Variants in ASIC2 observed in about 807,000 individuals in gnomAD.
The protein encoded by ASIC2 is acid-sensing ion channel 2.
ASIC2 carries 25 observed loss-of-function variants against 57.3 expected under a neutral mutation model. That is an observed-to-expected ratio of 0.44 (90% confidence interval 0.32 to 0.61). The LOEUF is 0.61. Ranked by LOEUF, ASIC2 falls within the 20% of genes least tolerant of loss-of-function variation. The pLI, the probability that ASIC2 is intolerant of heterozygous loss-of-function variation, is 0.06. For missense variants in ASIC2, 641 were observed against 738.1 expected (o/e 0.87, Z 1.52); for synonymous variants, 319 against 307.5 (o/e 1.04, Z -0.39).
chr17:33,742,701 T>C (rs1403106051), intron 1 of ASIC2, among the ~76,000 whole-genome samples: 1 of 152,188 alleles, frequency 6.6e-6, no homozygotes, highest in Non-Finnish European at 1.5e-5. Flanking sequence ...GCCCAGAACA[T>C]AGCTCTCCCC....
intron 1 of ASIC2, among the ~76,000 whole-genome samples, chr17:34,058,589 T>C (rs1908855469): frequency 6.6e-6 from 1 of 152,236 alleles, no homozygotes; most frequent in African/African-American, 2.4e-5. Context: ...TGAAACGCTG[T>C]CCTTGAAACC....
At chr17:33,167,343 C>T (rs1208461933) in intron 1 of ASIC2, among the ~76,000 whole-genome samples, 4 of 152,286 alleles carry the variant, frequency 2.6e-5, no homozygotes, top group Non-Finnish European at 5.9e-5. Flanking sequence ...CAGTCACTTG[C>T]TAAGTCACAG....
chr17:33,108,409 C>A lies in ASIC2; in HGVS notation c.859+3508G>T, dbSNP rs187576573. On this transcript the variant is annotated intron_variant, in intron 2 of 9. Transcript: ENST00000225823. ...AGGAAGGGAGATGGCATCTGTGGGG[C>A]CGCATGGTTTGGCAGGGCAGGAAGG... Among the ~76,000 whole-genome samples, 432 of 152,268 alleles carry A rather than the reference C, an allele frequency of 2.8e-3. 2 individuals are homozygous for A. The highest frequency in any genetic ancestry group is 0.015 in the South Asian group (70 of 4,814).
chr17:33,625,125 C>CTCTGTCTG (rs35947234), intron 1 of ASIC2, among the ~76,000 whole-genome samples: 7,325 of 144,260 alleles, frequency 0.051, 196 homozygotes, highest in Non-Finnish European at 0.07. Flanking sequence ...AATGTGGCCT[C>CTCTGTCTG]TCTGTCTATC....
chr17:33,079,529 G>A (rs1432636575), intron 3 of ASIC2, among the ~76,000 whole-genome samples: 1 of 152,064 alleles, frequency 6.6e-6, no homozygotes, highest in African/African-American at 2.4e-5. Context: ...AGAGATTCTT[G>A]GACTTCATCC....
intron 1 of ASIC2, among the ~76,000 whole-genome samples, chr17:33,344,714 C>G (rs1047090575): frequency 2.0e-5 from 3 of 152,038 alleles, no homozygotes; most frequent in African/African-American, 7.3e-5. Context: ...CCCACTTAAC[C>G]CTGCTCACAC....
chr17:33,863,308 T>C (rs1379566994), intron 1 of ASIC2, among the ~76,000 whole-genome samples: 13 of 152,250 alleles, frequency 8.5e-5, no homozygotes, highest in Admixed American at 6.5e-5. Context: ...GCAGTTCACA[T>C]AGAACTCTGG....
chr17:33,711,992 G>A (rs1909050751), intron 1 of ASIC2, among the ~76,000 whole-genome samples: 1 of 152,108 alleles, frequency 6.6e-6, no homozygotes, highest in Admixed American at 6.5e-5. Context: ...CATAAATGAG[G>A]CCTCCTGACT....
In ASIC2 at chr17:33,381,343, G is replaced by A. The variant is rs56871473; in HGVS notation, c.556-269276C>T. ...TGGGCTGAGGCACCAAGAGCATGGG[G>A]GGAGGAACTTTCTTTGCTCAGGCGC... On this transcript the variant is annotated intron_variant, in intron 1 of 9. Transcript: ENST00000359872. 2.9e-3 allele frequency among the ~76,000 whole-genome samples: 445 copies of A among 152,358 alleles called. 4 individuals are homozygous for A. Among genetic ancestry groups the A allele is most frequent in the African/African-American group, 0.01 (416 of 41,586 alleles).
chr17:33,738,341 C>A (rs546825948), intron 1 of ASIC2, among the ~76,000 whole-genome samples: 1 of 152,192 alleles, frequency 6.6e-6, no homozygotes, highest in South Asian at 2.1e-4. Flanking sequence ...TGTCATCCTT[C>A]CCCCAGACCT....
chr17:33,531,706 G>C (rs1597769633), intron 1 of ASIC2, among the ~76,000 whole-genome samples: 2 of 152,202 alleles, frequency 1.3e-5, no homozygotes, highest in East Asian at 3.9e-4. Flanking sequence ...GCCAAGGAGA[G>C]AGGCCCTTCT....
intron 1 of ASIC2, among the ~76,000 whole-genome samples, chr17:34,084,504 A>T (rs1236265387): frequency 6.6e-6 from 1 of 152,232 alleles, no homozygotes; most frequent in Non-Finnish European, 1.5e-5. Context: ...CTTTTGGCTT[A>T]GGATTGACTT....
At chr17:33,854,209 G>A (rs1490228116) in intron 1 of ASIC2, among the ~76,000 whole-genome samples, 3 of 152,144 alleles carry the variant, frequency 2.0e-5, no homozygotes, top group African/African-American at 4.8e-5. Context: ...TTTGGAGGTA[G>A]AAGAGTGAGT....
chr17:33,908,356 G>A (rs190937256), intron 1 of ASIC2, among the ~76,000 whole-genome samples: 126 of 152,330 alleles, frequency 8.3e-4, no homozygotes, highest in African/African-American at 2.9e-3. Flanking sequence ...CAGGGGTCAA[G>A]GACACCATAT....
rs971262532 is a variant in ASIC2 at position 33,023,848 on chromosome 17, C to T, written c.1349+13G>A. On this transcript the variant is annotated intron_variant, in intron 6 of 9. Transcript: ENST00000225823. ...TCCCCCTTCCCCCTGCCTACCATGC[C>T]CACTAAACTTACGAGATATATTTTT... is the stretch of plus-strand genomic sequence containing the variant. 1.2e-6 allele frequency: 2 copies of T among 1,614,052 alleles called. No homozygotes were observed. The highest frequency in any genetic ancestry group is 2.2e-5 in the East Asian group (1 of 44,886).
intron 1 of ASIC2, among the ~76,000 whole-genome samples, chr17:33,119,959 C>T (rs1597587562): frequency 6.6e-6 from 1 of 152,140 alleles, no homozygotes; most frequent in African/African-American, 2.4e-5. Context: ...GGGCACTGTG[C>T]TGATTGCTTT....
chr17:33,984,860 C>A (rs765096826), intron 1 of ASIC2, among the ~76,000 whole-genome samples: 30 of 152,302 alleles, frequency 2.0e-4, no homozygotes, highest in Non-Finnish European at 3.1e-4. Context: ...AAACAGAAGG[C>A]ATGGATCACC....
At chr17:33,399,010 G>A (rs1364322644) in intron 1 of ASIC2, among the ~76,000 whole-genome samples, 2 of 152,192 alleles carry the variant, frequency 1.3e-5, no homozygotes, top group African/African-American at 4.8e-5. Flanking sequence ...TAGTGATGCT[G>A]CCATTTTGTG....
intron 1 of ASIC2, among the ~76,000 whole-genome samples, chr17:34,112,171 A>G (rs34906149): frequency 3.3e-5 from 5 of 152,160 alleles, no homozygotes; most frequent in Non-Finnish European, 7.4e-5. Context: ...TCTGAATGCT[A>G]TCTCTTCCAC....
Sources: gnomAD v4.1 joint callset for allele counts (sites outside exome capture counted in the v4.1 genomes callset) on GRCh38, gnomAD v4.1.1 for gene constraint, MANE v1.5 for transcripts, NCBI Gene and HGNC (gene_info 2026-07-23, HGNC 2026-07-21) for gene names.